The following PREX2 variants were observed in gnomAD, a reference collection of about 807,000 sequenced individuals.
The protein encoded by PREX2 is phosphatidylinositol-3,4,5-trisphosphate dependent Rac exchange factor 2, also known as phosphatidylinositol 3,4,5-trisphosphate-dependent Rac exchanger 2 protein.
PREX2 carries 107 observed loss-of-function variants against 203.2 expected under a neutral mutation model. That is an observed-to-expected ratio of 0.53 (90% CI 0.45 to 0.62). The LOEUF (loss-of-function observed/expected upper bound fraction) is 0.62. Among genes scored for constraint, PREX2 ranks in the 20% least tolerant of loss-of-function variants. The pLI, the probability that PREX2 is intolerant of heterozygous loss-of-function variation, is 0.00. For missense variants in PREX2, 1,777 were observed against 1,955.9 expected, an observed-to-expected ratio of 0.91 and a Z score of 1.72; for synonymous variants, 672 against 663.6, an observed-to-expected ratio of 1.01 and a Z score of -0.19.
chr8:68,183,036 G>A (rs946658369), intron 35 of PREX2, among the ~76,000 whole-genome samples: 15 of 151,990 alleles, frequency 9.9e-5, no homozygotes, highest in East Asian at 3.9e-4. Context: ...GGCAAGGCAC[G>A]GTGTTGAGAG....
intron 33 of PREX2, among the ~76,000 whole-genome samples, chr8:68,140,658 C>T (rs984636196): frequency 6.6e-6 from 1 of 151,792 alleles, no homozygotes. Context: ...TCAAGAAATC[C>T]AGGTCCGAAT....
intron 1 of PREX2, among the ~76,000 whole-genome samples, chr8:67,984,446 C>T (rs1325150750): frequency 6.6e-6 from 1 of 152,072 alleles, no homozygotes; most frequent in Non-Finnish European, 1.5e-5. Flanking sequence ...TATGTTATCG[C>T]AGTGTCATGG....
At chr8:68,052,278 G>T (rs1430778337) in intron 8 of PREX2, among the ~76,000 whole-genome samples, 1 of 152,030 alleles carries the variant, frequency 6.6e-6, no homozygotes, top group Non-Finnish European at 1.5e-5. Flanking sequence ...TTCCATCTTG[G>T]GATCTTTGCT....
chr8:68,051,810 G>T (rs1808534312), intron 8 of PREX2, among the ~76,000 whole-genome samples: 1 of 152,062 alleles, frequency 6.6e-6, no homozygotes, highest in African/African-American at 2.4e-5. Context: ...TATATTATCA[G>T]AAGTCATTTT....
chr8:68,177,285 C>G (rs1057267379), intron 35 of PREX2: 1 of 152,218 alleles, frequency 6.6e-6, no homozygotes, highest in Non-Finnish European at 1.5e-5. Flanking sequence ...TGGCCAGGTG[C>G]GGTGGCTCAC....
intron 1 of PREX2, among the ~76,000 whole-genome samples, chr8:67,984,232 T>G (rs1255161691): frequency 6.6e-6 from 1 of 152,224 alleles, no homozygotes; most frequent in Non-Finnish European, 1.5e-5. Flanking sequence ...CACACTTTCA[T>G]GCAAGTATTC....
intron 35 of PREX2, among the ~76,000 whole-genome samples, chr8:68,184,751 C>T (rs529504094): frequency 2.0e-5 from 3 of 152,004 alleles, no homozygotes; most frequent in East Asian, 3.9e-4. Flanking sequence ...TGCCAAGAAA[C>T]GGGGGGAAAA....
chr8:68,105,493 G>A, intron 23 of PREX2: 6 of 1,158,680 alleles, frequency 5.2e-6, no homozygotes, highest in African/African-American at 1.6e-5. Flanking sequence ...AGTCCCCCTA[G>A]CAAGAGAATC....
chr8:68,152,191 A>T (rs1198259439), intron 34 of PREX2, among the ~76,000 whole-genome samples: 1 of 145,336 alleles, frequency 6.9e-6, no homozygotes, highest in Non-Finnish European at 1.5e-5. Flanking sequence ...GGGGAGGCTG[A>T]GGCAGGAGAA....
At chr8:68,086,594 T>G (rs1041197192) in intron 18 of PREX2, among the ~76,000 whole-genome samples, 1 of 152,202 alleles carries the variant, frequency 6.6e-6, no homozygotes, top group Non-Finnish European at 1.5e-5. Context: ...ATTGTTATGA[T>G]GTTCCCTCGC....
chr8:68,072,377 A>G (rs540429834), intron 13 of PREX2, 118 bp from the exon 14 acceptor site: 62 of 555,814 alleles, frequency 1.1e-4, no homozygotes, highest in Middle Eastern at 6.9e-4. Context: ...AACTCAGGTT[A>G]CAGTGGTAAA....
At chr8:68,014,052 A>T (rs1309806233) in intron 1 of PREX2, among the ~76,000 whole-genome samples, 1 of 152,202 alleles carries the variant, frequency 6.6e-6, no homozygotes, top group Non-Finnish European at 1.5e-5. Flanking sequence ...GTATGTTGAA[A>T]TTATAAAATA....
intron 21 of PREX2, 62 bp downstream of exon 21, chr8:68,093,784 A>C (rs1407784853): frequency 2.4e-6 from 2 of 826,682 alleles, no homozygotes; most frequent in Admixed American, 4.3e-5. Context: ...GCATGTGCCT[A>C]CTCCCAAATA....
chr8:68,177,165 ACAGT>A (rs1432272211), intron 35 of PREX2: 1 of 152,434 alleles, frequency 6.6e-6, no homozygotes, highest in African/African-American at 2.4e-5. Context: ...GAAAAGTATC[ACAGT>A]CAGGTCTGTT....
chr8:68,062,602 C>A (rs1263180639), intron 11 of PREX2, among the ~76,000 whole-genome samples: 1 of 152,094 alleles, frequency 6.6e-6, no homozygotes, highest in African/African-American at 2.4e-5. Flanking sequence ...TTTATTAATC[C>A]CTAATACATG....
chr8:68,094,895 T>A (rs1261390749), intron 21 of PREX2: 1 of 152,288 alleles, frequency 6.6e-6, no homozygotes, highest in Non-Finnish European at 1.5e-5. Flanking sequence ...TCACCTGTAT[T>A]TCTGACCAAC....
chr8:68,113,449 G>A (rs1188823687), intron 25 of PREX2, among the ~76,000 whole-genome samples: 1 of 152,160 alleles, frequency 6.6e-6, no homozygotes, highest in African/African-American at 2.4e-5. Context: ...TTAGTCTAAT[G>A]TTTTAATCTT....
Position 68,231,542 on chromosome 8 carries a change from C to T in PREX2, c.*164C>T. The T allele has an allele frequency of 2.2e-6, 1 of 462,658 alleles. No homozygotes were observed. Among genetic ancestry groups the T allele is most frequent in the Non-Finnish European group, 3.6e-6 (1 of 275,754 alleles). 28.7% of individuals were successfully genotyped at this position (462,658 alleles called of 1,614,324 possible). A position where few individuals can be genotyped will look rare whatever the true frequency, so the allele number is the denominator to read the frequency against. ...GCAAACAAGTAGTGATCAGTTTATA[C>T]TTTGATATTTATGCTGGAAATGGAT... is the stretch of plus-strand genomic sequence containing the variant. On this transcript the variant is annotated 3_prime_UTR_variant, in exon 40 of 40. Transcript: ENST00000288368.
At chr8:68,110,932 A>G (rs1810521485) in intron 25 of PREX2, 1 of 435,636 alleles carries the variant, frequency 2.3e-6, no homozygotes, top group South Asian at 1.7e-5. Flanking sequence ...CCATTTACAG[A>G]TGAATTAAAC....
Sources: allele counts gnomAD v4.1 joint callset (sites outside exome capture counted in the v4.1 genomes callset), GRCh38; gene constraint gnomAD v4.1.1; transcripts MANE v1.5; gene names NCBI Gene and HGNC (gene_info 2026-07-23, HGNC 2026-07-21).